ELAPOR1: variants seen among roughly 807,000 people sequenced by gnomAD.
The protein encoded by ELAPOR1 is endosome/lysosome-associated apoptosis and autophagy regulator 1.
A neutral mutation model predicts 119.7 loss-of-function variants in ELAPOR1; 77 were observed. The observed-to-expected ratio is 0.64, with a 90% CI of 0.54 to 0.78. The LOEUF (loss-of-function observed/expected upper bound fraction) is 0.78, where lower values mean the gene tolerates loss of function less well. Among genes scored for constraint, ELAPOR1 ranks in the 30% least tolerant of loss-of-function variants. The pLI is 0.00. For synonymous variants in ELAPOR1, 481 were observed against 487.2 expected (o/e 0.99, Z 0.17); for missense variants, 1,115 against 1,270.4 (o/e 0.88, Z 1.86).
chr1:109,135,456 G>C (rs1425610699), intron 1 of ELAPOR1, among the ~76,000 whole-genome samples: 1 of 152,064 alleles, frequency 6.6e-6, no homozygotes, highest in Non-Finnish European at 1.5e-5. Context: ...GACCAGGCTG[G>C]CTGGTCTCCA....
Position 109,129,394 on chromosome 1 carries a change from T to C in ELAPOR1, c.153+15058T>C, listed in dbSNP as rs149382759. Among the ~76,000 whole-genome samples the C allele has an allele frequency of 9.1e-3, 1,390 of 152,162 alleles. 24 individuals carry two copies. The highest frequency in any genetic ancestry group is 0.031 in the African/African-American group (1,288 of 41,510). On this transcript the variant is annotated intron_variant, in intron 1 of 21. Transcript: ENST00000369939. The stretch of plus-strand genomic sequence containing the variant: ...GCGTGGTGGCACACGCCTGTAATCC[T>C]AGCTACCCGGGAGGCTGAGGCAGGA...
chr1:109,153,011 CAT>C (rs1650635130), intron 1 of ELAPOR1, among the ~76,000 whole-genome samples: 1 of 150,512 alleles, frequency 6.6e-6, no homozygotes, highest in Non-Finnish European at 1.5e-5. Flanking sequence ...ATGACAGTCT[CAT>C]GTGGGGAGGA....
Position 109,142,546 on chromosome 1 carries a change from C to T in ELAPOR1, c.154-19348C>T, listed in dbSNP as rs562699729. 1.2e-4 allele frequency among the ~76,000 whole-genome samples: 18 copies of T among 152,292 alleles called. No homozygotes were observed. The East Asian group carries it at 2.1e-3, about 18-fold the overall frequency. ...GATCTTGTGATCTCATACAAGTGTA[C>T]GCTGGTCCACAGCCGGGCACTGTCC... On this transcript the variant is annotated intron_variant, in intron 1 of 21. Coordinates refer to ENST00000369939, the MANE Select transcript of ELAPOR1 (RefSeq NM_020775.5).
chr1:109,142,535 A>G (rs952412486), intron 1 of ELAPOR1, among the ~76,000 whole-genome samples: 2 of 152,232 alleles, frequency 1.3e-5, no homozygotes, highest in African/African-American at 4.8e-5. Flanking sequence ...TTGTGATCTC[A>G]TACAAGTGTA....
intron 1 of ELAPOR1, among the ~76,000 whole-genome samples, chr1:109,157,914 G>T (rs941564962): frequency 7.9e-5 from 12 of 152,046 alleles, no homozygotes; most frequent in African/African-American, 2.7e-4. Flanking sequence ...TTGAGACAGG[G>T]TCTCACTCTG....
chr1:109,186,827 G>A, intron 8 of ELAPOR1: 2 of 985,540 alleles, frequency 2.0e-6, no homozygotes, highest in Non-Finnish European at 2.4e-6. Context: ...TTCTGGGTCA[G>A]TACCGTGCTT....
intron 7 of ELAPOR1, among the ~76,000 whole-genome samples, chr1:109,177,161 C>T (rs1382713864): frequency 2.0e-5 from 3 of 150,268 alleles, no homozygotes; most frequent in East Asian, 4.0e-4. Flanking sequence ...AGAGGGGCTC[C>T]TCACTTCCCA....
At position 109,191,809 on chromosome 1, in the gene ELAPOR1, G is replaced by T. The variant is rs1473782147; in HGVS notation, c.1629G>T (p.Glu543Asp). ...AGTCCTATACCTACATCATTGAGGA[G>T]AACACTACCACGAGCTTCACCTGGG... is the stretch of plus-strand genomic sequence containing the variant. ...GKQSYTYIIEENTTTSFTWAF... is the reference protein window; with the variant it reads ...GKQSYTYIIEDNTTTSFTWAF... The change falls in exon 13 of 22, where the codon GAG becomes GAT. Residue 543 changes from glutamate (E) to aspartate (D), a missense_variant. By Grantham distance (45) the Glu-to-Asp change is conservative (BLOSUM62 2). Transcript: ENST00000369939. 1.2e-6 allele frequency: 2 copies of T among 1,614,106 alleles called. No homozygotes were observed. The highest frequency in any genetic ancestry group is 1.7e-6 in the Non-Finnish European group (2 of 1,180,044).
intron 1 of ELAPOR1, among the ~76,000 whole-genome samples, chr1:109,120,437 G>A (rs1214701608): frequency 7.1e-6 from 1 of 140,604 alleles, no homozygotes; most frequent in Non-Finnish European, 1.5e-5. Context: ...AAATACAAGA[G>A]GCCTGTATTT....
chr1:109,127,623 G>A (rs373241298), intron 1 of ELAPOR1, among the ~76,000 whole-genome samples: 5 of 151,826 alleles, frequency 3.3e-5, no homozygotes, highest in East Asian at 3.9e-4. Context: ...CTGGAGTGCC[G>A]TGGCGTGATC....
intron 1 of ELAPOR1, among the ~76,000 whole-genome samples, chr1:109,132,978 C>T (rs1649241800): frequency 6.6e-6 from 1 of 151,964 alleles, no homozygotes; most frequent in African/African-American, 2.4e-5. Context: ...GCCTGTAATC[C>T]CAGCATTTTG....
chr1:109,197,595 T>C lies in ELAPOR1; in HGVS notation c.2243T>C (p.Val748Ala), dbSNP rs1157128688. 6.2e-7 allele frequency: 1 copy of C among 1,614,124 alleles called. No individual in the cohort carries two copies. The highest frequency in any genetic ancestry group is 8.5e-7 in the Non-Finnish European group (1 of 1,180,000). ...CAGGCAGTCATCATCCCCCCAGAGGTGACAGGCTACAAGGCCGGGGTTTCC... is the reference window on the plus strand; with the variant it reads ...CAGGCAGTCATCATCCCCCCAGAGGCGACAGGCTACAAGGCCGGGGTTTCC... ...VCQAVIIPPE[V>A]TGYKAGVSSQ... The change falls in exon 16 of 22, where the codon GTG (valine) becomes GCG (alanine). Residue 748 changes from valine to alanine, a missense_variant. By Grantham distance (64) the Val-to-Ala change is moderately conservative. Coordinates refer to ENST00000369939, the MANE Select transcript of ELAPOR1 (RefSeq NM_020775.5).
chr1:109,165,563 A>T (rs1651538628), intron 3 of ELAPOR1, among the ~76,000 whole-genome samples: 2 of 151,200 alleles, frequency 1.3e-5, no homozygotes, highest in South Asian at 4.2e-4. Flanking sequence ...CAGCCTGGGC[A>T]ACAAGAGTGA....
At chr1:109,119,398 G>A (rs992496989) in intron 1 of ELAPOR1, among the ~76,000 whole-genome samples, 3 of 151,140 alleles carry the variant, frequency 2.0e-5, no homozygotes, top group Non-Finnish European at 4.4e-5. Context: ...TGCCCAGGCT[G>A]GTCTCAAACT....
chr1:109,196,991 A>G lies in ELAPOR1; in HGVS notation c.2122-483A>G, dbSNP rs138530881. ...TCACTGCACCCAGCCAGCACCATTT[A>G]TAATAAAATTTATAACATTGAAAAT... On this transcript the variant is annotated intron_variant, in intron 15 of 21. Transcript: ENST00000369939. 5.8e-3 allele frequency among the ~76,000 whole-genome samples: 884 copies of G among 152,250 alleles called. 8 individuals are homozygous for G. Among genetic ancestry groups the G allele is most frequent in the African/African-American group, 0.021 (854 of 41,550 alleles).
At chr1:109,191,327 C>T in intron 11 of ELAPOR1, 39 bp from the exon 12 acceptor site, 2 of 1,450,106 alleles carry the variant, frequency 1.4e-6, no homozygotes, top group East Asian at 2.3e-5. Context: ...TAAGCACTGC[C>T]TGGCCTTTAG....
intron 1 of ELAPOR1, among the ~76,000 whole-genome samples, chr1:109,138,722 T>TC (rs1294224457): frequency 2.0e-5 from 3 of 149,422 alleles, no homozygotes; most frequent in Admixed American, 6.8e-5. Flanking sequence ...TTCAGCCTTC[T>TC]CCCCATAGTC....
At chr1:109,177,183 C>T (rs1333384464) in intron 7 of ELAPOR1, among the ~76,000 whole-genome samples, 1,405 of 138,312 alleles carry the variant, frequency 0.01, no homozygotes, top group East Asian at 0.034. Flanking sequence ...TAGGGGCGGC[C>T]GGGCAGAGGC....
intron 7 of ELAPOR1, among the ~76,000 whole-genome samples, chr1:109,184,119 T>C (rs762652476): frequency 1.3e-5 from 2 of 151,942 alleles, no homozygotes; most frequent in Non-Finnish European, 2.9e-5. Flanking sequence ...CCCCTGTAAT[T>C]CCAGCGCTTT....
Sources: gnomAD v4.1 joint callset for allele counts (sites outside exome capture counted in the v4.1 genomes callset) on GRCh38, gnomAD v4.1.1 for gene constraint, MANE v1.5 for transcripts, NCBI Gene and HGNC (gene_info 2026-07-23, HGNC 2026-07-21) for gene names.